SGCZ: variants seen among roughly 807,000 people sequenced by gnomAD.
The protein encoded by SGCZ is sarcoglycan zeta.
A neutral mutation model predicts 41.3 loss-of-function variants in SGCZ; 40 were observed. The ratio of observed to expected loss-of-function variants is 0.97; its 90% confidence interval spans 0.75 to 1.26. The LOEUF is 1.26. Among genes scored for constraint, SGCZ ranks in the 50% most tolerant of loss-of-function variants. The pLI, the probability that SGCZ is intolerant of heterozygous loss-of-function variation, is 0.00. For missense variants in SGCZ, 552 were observed against 369.8 expected, an observed-to-expected ratio of 1.49 and a Z score of -4.04; for synonymous variants, 206 against 137.5, an observed-to-expected ratio of 1.50 and a Z score of -3.49.
intron 1 of SGCZ, among the ~76,000 whole-genome samples, chr8:15,232,277 T>A (rs867997433): frequency 3.0e-4 from 45 of 152,176 alleles, no homozygotes; most frequent in African/African-American, 1.1e-3. Context: ...CAGTAAGCCA[T>A]CTCGTGTAGC....
chr8:14,275,456 A>G (rs771507366), intron 3 of SGCZ, among the ~76,000 whole-genome samples: 13 of 152,098 alleles, frequency 8.5e-5, no homozygotes, highest in Admixed American at 2.0e-4. Flanking sequence ...GGGCCTGCTG[A>G]CATTAGCTGT....
At chr8:15,207,392 A>C (rs1801101191) in intron 1 of SGCZ, among the ~76,000 whole-genome samples, 1 of 152,232 alleles carries the variant, frequency 6.6e-6, no homozygotes, top group East Asian at 1.9e-4. Context: ...CTAATGAAGT[A>C]TCCATGTTTA....
At chr8:14,867,113 C>T (rs1803959658) in intron 1 of SGCZ, among the ~76,000 whole-genome samples, 1 of 152,102 alleles carries the variant, frequency 6.6e-6, no homozygotes, top group South Asian at 2.1e-4. Context: ...ATTTGTTTTT[C>T]TGTCTCCACT....
intron 1 of SGCZ, among the ~76,000 whole-genome samples, chr8:14,644,566 T>C (rs919102446): frequency 6.6e-6 from 1 of 151,790 alleles, no homozygotes; most frequent in African/African-American, 2.4e-5. Flanking sequence ...TTTGTATCTC[T>C]GGAGATCCTG....
At chr8:15,208,895 A>G (rs546490804) in intron 1 of SGCZ, among the ~76,000 whole-genome samples, 1 of 23,198 alleles carries the variant, frequency 4.3e-5, no homozygotes, top group South Asian at 1.7e-3. Flanking sequence ...ATCCCTATAC[A>G]TATATATAGA....
At chr8:14,808,873 A>T (rs568762711) in intron 1 of SGCZ, among the ~76,000 whole-genome samples, 2 of 151,826 alleles carry the variant, frequency 1.3e-5, no homozygotes, top group African/African-American at 4.8e-5. Context: ...AATGTGGCAC[A>T]TATACACCAT....
intron 4 of SGCZ, among the ~76,000 whole-genome samples, chr8:14,208,438 A>T (rs1824740): frequency 0.76 from 114,538 of 151,586 alleles, 44,381 homozygotes; most frequent in African/African-American, 0.92. Flanking sequence ...CTCTAGAGCA[A>T]GTATGGAGGA....
intron 5 of SGCZ, among the ~76,000 whole-genome samples, chr8:14,157,311 A>G (rs1385628413): frequency 7.5e-5 from 11 of 146,752 alleles, no homozygotes; most frequent in Admixed American, 2.8e-4. Flanking sequence ...ATACAATATT[A>G]TATGTTATAT....
At chr8:14,923,903 G>A (rs1446159123) in intron 1 of SGCZ, among the ~76,000 whole-genome samples, 4 of 152,172 alleles carry the variant, frequency 2.6e-5, no homozygotes, top group African/African-American at 9.6e-5. Context: ...TTGAATGCAA[G>A]GGATTTGAGA....
intron 1 of SGCZ, among the ~76,000 whole-genome samples, chr8:14,742,491 G>A (rs907699446): frequency 1.1e-4 from 16 of 152,074 alleles, no homozygotes; most frequent in Non-Finnish European, 2.1e-4. Flanking sequence ...AAGACAATTT[G>A]GAGAAATCAA....
At chr8:14,882,518 T>A (rs1015363971) in intron 1 of SGCZ, among the ~76,000 whole-genome samples, 17 of 152,134 alleles carry the variant, frequency 1.1e-4, no homozygotes, top group African/African-American at 4.1e-4. Flanking sequence ...AACACACTTA[T>A]TACTGCTATG....
intron 4 of SGCZ, among the ~76,000 whole-genome samples, chr8:14,185,674 G>C (rs1034801747): frequency 1.6e-4 from 24 of 151,692 alleles, no homozygotes; most frequent in Admixed American, 1.6e-3. Context: ...GTTTTGTTGT[G>C]TTTTGTTTTG....
chr8:14,095,163 C>A (rs764489757), intron 7 of SGCZ, among the ~76,000 whole-genome samples: 10 of 152,110 alleles, frequency 6.6e-5, no homozygotes, highest in Non-Finnish European at 1.2e-4. Flanking sequence ...GCTTCTGTTG[C>A]CATTGCTTTT....
At chr8:15,035,802 A>G (rs1803854856) in intron 1 of SGCZ, among the ~76,000 whole-genome samples, 1 of 152,152 alleles carries the variant, frequency 6.6e-6, no homozygotes, top group Non-Finnish European at 1.5e-5. Context: ...ATTAATATAT[A>G]TGCACTTAAT....
At chr8:14,211,717 G>C (rs1488506755) in intron 4 of SGCZ, among the ~76,000 whole-genome samples, 1 of 152,198 alleles carries the variant, frequency 6.6e-6, no homozygotes, top group Non-Finnish European at 1.5e-5. Context: ...CATCTCGTGA[G>C]AACTCACTCA....
At chr8:15,030,749 A>C (rs555694971) in intron 1 of SGCZ, among the ~76,000 whole-genome samples, 1 of 152,290 alleles carries the variant, frequency 6.6e-6, no homozygotes, top group East Asian at 1.9e-4. Flanking sequence ...TTTCCTGGTT[A>C]AGGACTACGG....
intron 1 of SGCZ, among the ~76,000 whole-genome samples, chr8:14,735,338 G>T (rs1245874487): frequency 2.0e-5 from 3 of 152,188 alleles, no homozygotes; most frequent in Non-Finnish European, 4.4e-5. Flanking sequence ...CTCGATGTGG[G>T]TGGGCACCAT....
intron 1 of SGCZ, among the ~76,000 whole-genome samples, chr8:15,218,797 C>T (rs566560286): frequency 1.3e-5 from 2 of 152,274 alleles, no homozygotes; most frequent in East Asian, 1.9e-4. Context: ...CATAACTATC[C>T]TATTACAGTC....
chr8:15,138,797 T>C (rs990437678), intron 1 of SGCZ, among the ~76,000 whole-genome samples: 3 of 152,122 alleles, frequency 2.0e-5, no homozygotes, highest in Non-Finnish European at 2.9e-5. Flanking sequence ...GATAGTAATA[T>C]AGACAGCTAA....
Sources: allele counts gnomAD v4.1 joint callset (sites outside exome capture counted in the v4.1 genomes callset), GRCh38; gene constraint gnomAD v4.1.1; transcripts MANE v1.5; gene names NCBI Gene and HGNC (gene_info 2026-07-23, HGNC 2026-07-21).